DPP6: variants seen among roughly 807,000 people sequenced by gnomAD.
The protein encoded by DPP6 is A-type potassium channel modulatory protein DPP6.
DPP6 carries 69 observed loss-of-function variants against 122.6 expected under a neutral mutation model. That is an observed-to-expected ratio of 0.56 (90% CI 0.46 to 0.69). The LOEUF is 0.69. DPP6 is among the 30% of genes least tolerant of loss of function. The probability of loss-of-function intolerance (pLI) is 0.00; values close to 1 mark genes in which losing one functional copy is unlikely to be tolerated. For synonymous variants in DPP6, 418 were observed against 433.1 expected (o/e 0.97, Z 0.43); for missense variants, 928 against 1,116.9 (o/e 0.83, Z 2.41).
rs535806320 is a variant in DPP6 at position 154,893,053 on chromosome 7, G to C, written c.*573G>C. The C allele has an allele frequency of 2.6e-5, 12 of 453,676 alleles. No homozygotes were observed. Among genetic ancestry groups the C allele is most frequent in the Admixed American group, 2.5e-4 (11 of 44,128 alleles). The allele number at this position is 453,676 out of a possible 1,614,324, so 28.1% of individuals were successfully genotyped here. A position where few individuals can be genotyped will look rare whatever the true frequency, so the allele number is the denominator to read the frequency against. On this transcript the variant is annotated 3_prime_UTR_variant, in exon 26 of 26. Coordinates refer to ENST00000377770, the MANE Select transcript of DPP6 (RefSeq NM_130797.4). ...CTGTACAGAGTCTTACTGTAGCTAC[G>C]CTAATGGTTAACCTGATAGAATTAA... is the stretch of plus-strand genomic sequence containing the variant.
intron 1 of DPP6, among the ~76,000 whole-genome samples, chr7:154,119,962 G>C (rs1037189762): frequency 6.6e-6 from 1 of 151,422 alleles, no homozygotes; most frequent in Non-Finnish European, 1.5e-5. Flanking sequence ...CTGCTGACTT[G>C]CAGTGAGTCC....
intron 1 of DPP6, among the ~76,000 whole-genome samples, chr7:153,977,471 C>G (rs1255777909): frequency 6.6e-6 from 1 of 152,140 alleles, no homozygotes; most frequent in East Asian, 1.9e-4. Context: ...GCATGTGTCT[C>G]TAGGTCACCA....
At chr7:153,803,892 A>G in the DPP6 span, among the ~76,000 whole-genome samples, 17 of 148,668 alleles carry the variant, frequency 1.1e-4, no homozygotes, top group Non-Finnish European at 1.5e-4. Flanking sequence ...TACCTCTCCT[A>G]TTGGTTTTGT....
At chr7:154,184,798 G>T (rs1222350347) in intron 1 of DPP6, among the ~76,000 whole-genome samples, 1 of 152,084 alleles carries the variant, frequency 6.6e-6, no homozygotes, top group Non-Finnish European at 1.5e-5. Context: ...CTTACTAAAT[G>T]TTGGGAATCT....
chr7:154,469,773 T>G (rs758125419), intron 2 of DPP6, among the ~76,000 whole-genome samples: 5 of 152,228 alleles, frequency 3.3e-5, no homozygotes, highest in Non-Finnish European at 7.3e-5. Context: ...ATTGGAAGTC[T>G]TGTTCAAGCA....
At chr7:154,343,875 C>T (rs907074796) in intron 1 of DPP6, among the ~76,000 whole-genome samples, 1 of 152,236 alleles carries the variant, frequency 6.6e-6, no homozygotes, top group African/African-American at 2.4e-5. Flanking sequence ...GCCACCATGC[C>T]TGGCTAATTT....
At chr7:154,641,951 G>T (rs1490535199) in intron 6 of DPP6, among the ~76,000 whole-genome samples, 1 of 152,148 alleles carries the variant, frequency 6.6e-6, no homozygotes, top group Non-Finnish European at 1.5e-5. Flanking sequence ...AAACAAAACT[G>T]TGAAAAAATT....
At chr7:154,593,588 A>T (rs1832925279) in intron 5 of DPP6, among the ~76,000 whole-genome samples, 1 of 152,240 alleles carries the variant, frequency 6.6e-6, no homozygotes, top group Non-Finnish European at 1.5e-5. Context: ...GGTTGCCACC[A>T]ATGTGTATCT....
upstream of DPP6, among the ~76,000 whole-genome samples, chr7:154,050,264 A>G (rs1490896119): frequency 2.0e-5 from 3 of 147,906 alleles, no homozygotes; most frequent in Non-Finnish European, 4.4e-5. Context: ...CTTTAGTTAG[A>G]TTACAGTTAC....
At chr7:153,944,609 C>T (rs114294518) in intron 1 of DPP6, among the ~76,000 whole-genome samples, 9 of 147,186 alleles carry the variant, frequency 6.1e-5, no homozygotes, top group South Asian at 2.1e-4. Flanking sequence ...TCACAACACA[C>T]GGGGCCTTGC....
rs1834430200 is a variant in DPP6, at chr7:154,618,647, C to G, written c.628-19174C>G. Among the ~76,000 whole-genome samples, 1 of 152,218 alleles carries G rather than the reference C, an allele frequency of 6.6e-6. No individual in the cohort carries two copies. Among genetic ancestry groups the G allele is most frequent in the African/African-American group, 2.4e-5 (1 of 41,456 alleles). On this transcript the variant is annotated intron_variant, in intron 5 of 25. Transcript: ENST00000377770. This position sits in a 1 kb window ranked among gnomAD's most constrained non-coding sequence, Gnocchi z 4.1. The stretch of plus-strand genomic sequence containing the variant: ...GCTAGAAGCCGGGGCCACAGCCCAG[C>G]TTCCACCCTCCTGATGGGGACCATA...
chr7:154,677,093 C>A (rs1838959412), intron 7 of DPP6, among the ~76,000 whole-genome samples: 1 of 152,198 alleles, frequency 6.6e-6, no homozygotes, highest in Non-Finnish European at 1.5e-5. Flanking sequence ...GAATTTCATT[C>A]TATGAGCTAT....
intron 1 of DPP6, among the ~76,000 whole-genome samples, chr7:153,950,012 C>T (rs547829416): frequency 1.3e-5 from 2 of 152,184 alleles, no homozygotes; most frequent in Non-Finnish European, 2.9e-5. Context: ...AGCACTGAGT[C>T]GATTTGGTAT....
At chr7:154,431,322 C>T (rs762801753) in intron 1 of DPP6, among the ~76,000 whole-genome samples, 1 of 152,100 alleles carries the variant, frequency 6.6e-6, no homozygotes, top group African/African-American at 2.4e-5. Flanking sequence ...CTCCCCAGGG[C>T]CTGCTCCACA....
intron 13 of DPP6, among the ~76,000 whole-genome samples, chr7:154,801,817 G>T (rs1390436594): frequency 1.3e-5 from 2 of 152,034 alleles, no homozygotes; most frequent in Non-Finnish European, 2.9e-5. Context: ...TCCCCGCTGA[G>T]GCATGGCTCC....
intron 1 of DPP6, among the ~76,000 whole-genome samples, chr7:154,105,151 G>T (rs1206097427): frequency 2.6e-5 from 4 of 152,210 alleles, no homozygotes; most frequent in Non-Finnish European, 4.4e-5. Flanking sequence ...AAAAACATAA[G>T]ATCGAATTTG....
chr7:154,752,581 C>G (rs1280016044), intron 8 of DPP6, among the ~76,000 whole-genome samples: 1 of 152,182 alleles, frequency 6.6e-6, no homozygotes. Context: ...GCCTCCTGGT[C>G]TTCCTGTAGG....
chr7:154,579,129 A>T (rs1831876281), intron 5 of DPP6, among the ~76,000 whole-genome samples: 2 of 152,246 alleles, frequency 1.3e-5, no homozygotes, highest in East Asian at 3.9e-4. Flanking sequence ...TGGGCAGATC[A>T]CCTGAGGTCA....
chr7:154,392,433 C>T (rs1393126202), intron 1 of DPP6, among the ~76,000 whole-genome samples: 1 of 152,066 alleles, frequency 6.6e-6, no homozygotes, highest in Non-Finnish European at 1.5e-5. Context: ...ATGACAATAC[C>T]GCAGCCCCTG....
Sources: allele counts gnomAD v4.1 joint callset (sites outside exome capture counted in the v4.1 genomes callset), GRCh38; gene constraint gnomAD v4.1.1; non-coding constraint Gnocchi (gnomAD v3.1); transcripts MANE v1.5; gene names NCBI Gene and HGNC (gene_info 2026-07-23, HGNC 2026-07-21).